The following SWI5 variants were observed in gnomAD, a reference collection of about 807,000 sequenced individuals.
SWI5 encodes the protein SWI5 homologous recombination repair protein, also known as DNA repair protein SWI5 homolog.
A neutral mutation model predicts 17.0 loss-of-function variants in SWI5; 12 were observed. The observed-to-expected ratio is 0.71, with a 90% confidence interval of 0.45 to 1.14. The LOEUF (loss-of-function observed/expected upper bound fraction) is 1.14. Ranked by LOEUF, SWI5 falls within the 50% of genes most tolerant of loss-of-function variation. The pLI is 0.00. For synonymous variants in SWI5, 61 were observed against 64.0 expected (o/e 0.95, Z 0.22); for missense variants, 158 against 162.2 (o/e 0.97, Z 0.14).
At chr9:128,276,292 C>T (rs566655240) in exon 1 of SWI5, 4 of 1,612,678 alleles carry the variant, frequency 2.5e-6, no homozygotes, top group Admixed American at 1.7e-5. Context: ...CACTCCGGGT[C>T]AGAGTTCCTG....
At chr9:128,279,504 A>G (rs1831498832) in intron 2 of SWI5, among the ~76,000 whole-genome samples, 1 of 152,232 alleles carries the variant, frequency 6.6e-6, no homozygotes, top group South Asian at 2.1e-4. Context: ...CTTCCCTTCT[A>G]GGTAGCCAAA....
At chr9:128,281,367 T>C (rs1319379226) in intron 2 of SWI5, among the ~76,000 whole-genome samples, 4 of 152,224 alleles carry the variant, frequency 2.6e-5, no homozygotes, top group Admixed American at 6.5e-5. Flanking sequence ...GATATTTTCA[T>C]TGTGAAACCC....
chr9:128,276,493 C>G, intron 1 of SWI5, 91 bp downstream of exon 1: 2 of 1,578,458 alleles, frequency 1.3e-6, no homozygotes, highest in East Asian at 2.3e-5. Context: ...TCCAAAGACT[C>G]CCATCCAGTG....
intron 4 of SWI5, among the ~76,000 whole-genome samples, chr9:128,287,316 A>G (rs1180589189): frequency 2.0e-5 from 3 of 151,322 alleles, no homozygotes; most frequent in Non-Finnish European, 4.4e-5. Flanking sequence ...GTGGTGGCAC[A>G]TGCCTGTAAT....
At chr9:128,276,565 A>G (rs780620508) in intron 1 of SWI5, 142 bp from the exon 2 acceptor site, 2 of 1,589,996 alleles carry the variant, frequency 1.3e-6, no homozygotes, top group African/African-American at 1.3e-5. Flanking sequence ...TGATCCTGAG[A>G]GCGTGTCTGC....
At chr9:128,275,614 A>C, upstream of SWI5, 1 of 839,670 alleles carries the variant, frequency 1.2e-6, no homozygotes. Context: ...CAAAGAGCCC[A>C]GGGAGGTCGG....
chr9:128,276,409 G>A lies in SWI5; in HGVS notation c.62+7G>A. 1 of 1,611,708 alleles carries A rather than the reference G, an allele frequency of 6.2e-7. No individual in the cohort carries two copies. ...GGACCCCAGGGCTCAGGAGGTGGGC[G>A]AGGAACGGACTCCACAGTTTCTTTC... is the stretch of plus-strand genomic sequence containing the variant. On this transcript the variant is annotated splice_region_variant and intron_variant, in intron 1 of 4. Coordinates refer to ENST00000418976, the Ensembl canonical transcript of SWI5.
intron 4 of SWI5, among the ~76,000 whole-genome samples, chr9:128,287,205 G>A (rs1047717472): frequency 6.6e-6 from 1 of 150,642 alleles, no homozygotes; most frequent in African/African-American, 2.4e-5. Context: ...GCAGCACTTT[G>A]GGAGGCCGAG....
exon 5 of SWI5, chr9:128,288,659 C>T: frequency 1.2e-6 from 2 of 1,614,158 alleles, no homozygotes; most frequent in Non-Finnish European, 8.5e-7. Context: ...CAGCTGTGAT[C>T]CGAGGTGTCA....
At chr9:128,276,442 C>G (rs1404193711) in intron 1 of SWI5, 40 bp downstream of exon 1, 1 of 1,604,420 alleles carries the variant, frequency 6.2e-7, no homozygotes, top group African/African-American at 1.3e-5. Flanking sequence ...TTCCTGACTC[C>G]TCACAGCCCT....
At chr9:128,275,871 GC>G (rs766527471), upstream of SWI5, 89 of 1,381,438 alleles carry the variant, frequency 6.4e-5, no homozygotes, top group Non-Finnish European at 7.3e-5. Flanking sequence ...GGGTCGGGGG[GC>G]CGCGACCCGG....
chr9:128,283,683 G>A (rs1831582551), intron 2 of SWI5, among the ~76,000 whole-genome samples: 1 of 152,190 alleles, frequency 6.6e-6, no homozygotes, highest in Non-Finnish European at 1.5e-5. Flanking sequence ...TGGCACCCAG[G>A]CCTCCATCTG....
At chr9:128,282,026 G>T (rs1179614267) in intron 2 of SWI5, among the ~76,000 whole-genome samples, 1 of 152,206 alleles carries the variant, frequency 6.6e-6, no homozygotes, top group Non-Finnish European at 1.5e-5. Context: ...CTACAGTGAG[G>T]TGTGATTGTG....
At chr9:128,281,532 T>G (rs1167429671) in intron 2 of SWI5, among the ~76,000 whole-genome samples, 1 of 152,220 alleles carries the variant, frequency 6.6e-6, no homozygotes. Flanking sequence ...TGTTAGACTC[T>G]CCCATAGCAC....
chr9:128,285,875 C>A lies in SWI5; in HGVS notation c.234-64C>A. On this transcript the variant is annotated intron_variant, in intron 3 of 4. Coordinates refer to ENST00000418976, the Ensembl canonical transcript of SWI5. The surrounding 1 kb of genome is among the most constrained non-coding windows in gnomAD (Gnocchi z 4.8). Reference sequence around the variant, plus strand: ...ACAGATGCCTTATTACTATCTGAGCCTGGGGCCATCATCTGCTTTCTTAAC... The same window carrying A: ...ACAGATGCCTTATTACTATCTGAGCATGGGGCCATCATCTGCTTTCTTAAC... 8.9e-7 allele frequency: 1 copy of A among 1,129,504 alleles called. No individual in the cohort carries two copies. The highest frequency in any genetic ancestry group is 1.3e-6 in the Non-Finnish European group (1 of 743,074). 70.0% of individuals were successfully genotyped at this position (1,129,504 alleles called of 1,614,324 possible).
chr9:128,286,090 A>C (rs1564375626), intron 4 of SWI5, 57 bp downstream of exon 4: 2 of 1,369,008 alleles, frequency 1.5e-6, no homozygotes, highest in Non-Finnish European at 2.1e-6. Flanking sequence ...CGTCTCGCCT[A>C]GGGGTGTTGG....
intron 2 of SWI5, among the ~76,000 whole-genome samples, chr9:128,277,621 G>A (rs556177962): frequency 1.3e-5 from 2 of 152,360 alleles, no homozygotes; most frequent in South Asian, 4.1e-4. Context: ...CTGCTGCAAT[G>A]CAGGTGTATG....
At chr9:128,275,825 T>C (rs919511695), upstream of SWI5, 237 of 824,842 alleles carry the variant, frequency 2.9e-4, no homozygotes, top group Admixed American at 9.6e-4. Flanking sequence ...GCAGAGACTC[T>C]GGCCATGGTC....
intron 2 of SWI5, among the ~76,000 whole-genome samples, chr9:128,280,110 TTTTC>T (rs1831510557): frequency 4.6e-5 from 7 of 152,212 alleles, no homozygotes; most frequent in Admixed American, 4.6e-4. Context: ...TCTTATTCTA[TTTTC>T]TTTATTATAC....
Sources: gnomAD v4.1 joint callset for allele counts (sites outside exome capture counted in the v4.1 genomes callset) on GRCh38, gnomAD v4.1.1 for gene constraint, Gnocchi (gnomAD v3.1) non-coding constraint, MANE v1.5 for transcripts, NCBI Gene and HGNC (gene_info 2026-07-23, HGNC 2026-07-21) for gene names.